TSHZ3: variants seen among roughly 807,000 people sequenced by gnomAD.
The protein encoded by TSHZ3 is teashirt zinc finger homeobox 3.
A neutral mutation model predicts 64.5 loss-of-function variants in TSHZ3; 10 were observed. That is an observed-to-expected ratio of 0.16 (90% CI 0.10 to 0.26). TSHZ3 has a LOEUF of 0.26. Ranked by LOEUF, TSHZ3 falls within the 10% of genes least tolerant of loss-of-function variation. The pLI, the probability that TSHZ3 is intolerant of heterozygous loss-of-function variation, is 1.00. For synonymous variants in TSHZ3, 608 were observed against 593.1 expected, an observed-to-expected ratio of 1.03 and a Z score of -0.36; for missense variants, 1,242 against 1,421.7, an observed-to-expected ratio of 0.87 and a Z score of 2.03.
At chr19:31,228,717 T>C (rs1975503618) in intron 3 of TSHZ3, among the ~76,000 whole-genome samples, 1 of 152,090 alleles carries the variant, frequency 6.6e-6, no homozygotes, top group African/African-American at 2.4e-5. Flanking sequence ...CAGAGAGTGG[T>C]GTTCAGATTT....
chr19:31,350,871 C>T (rs1469194435), upstream of TSHZ3, among the ~76,000 whole-genome samples: 1 of 147,108 alleles, frequency 6.8e-6, no homozygotes. Context: ...GCTCTCAGGC[C>T]GGGAATGGGG....
intron 1 of TSHZ3, among the ~76,000 whole-genome samples, chr19:31,306,026 A>T (rs2145148344): frequency 6.6e-6 from 1 of 152,332 alleles, no homozygotes; most frequent in East Asian, 1.9e-4. Flanking sequence ...TTTACATAGA[A>T]GTTTGGGGTG....
At chr19:31,325,983 C>T (rs912025161) in intron 1 of TSHZ3, among the ~76,000 whole-genome samples, 1 of 152,148 alleles carries the variant, frequency 6.6e-6, no homozygotes, top group Non-Finnish European at 1.5e-5. Flanking sequence ...AGAATTTTGC[C>T]TGTACACCCA....
At chr19:31,216,436 G>A (rs1281254934) in intron 4 of TSHZ3, among the ~76,000 whole-genome samples, 4 of 151,742 alleles carry the variant, frequency 2.6e-5, no homozygotes, top group Non-Finnish European at 5.9e-5. Context: ...TCATCAGAAA[G>A]GCTTTCCCAG....
At chr19:31,349,524 C>A (rs1266080029), upstream of TSHZ3, 7 of 338,970 alleles carry the variant, frequency 2.1e-5, no homozygotes, top group Non-Finnish European at 1.1e-5. Flanking sequence ...AGGAGGAGGA[C>A]CGCGCTGCCG....
At chr19:31,285,781 C>CAAAAAAA (rs3030263) in intron 1 of TSHZ3, among the ~76,000 whole-genome samples, 2 of 44,980 alleles carry the variant, frequency 4.4e-5, no homozygotes, top group Non-Finnish European at 7.7e-5. Context: ...GCCACTGTCT[C>CAAAAAAA]AAAAAAAAAA....
chr19:31,195,515 G>A (rs569402177), intron 5 of TSHZ3: 1 of 151,884 alleles, frequency 6.6e-6, no homozygotes, highest in East Asian at 1.9e-4. Flanking sequence ...CAAAAGTGAA[G>A]GAGAAATAGA....
intron 4 of TSHZ3, among the ~76,000 whole-genome samples, chr19:31,218,323 G>A (rs887594000): frequency 1.3e-5 from 2 of 152,156 alleles, no homozygotes; most frequent in Admixed American, 1.3e-4. Context: ...TATGTCATTA[G>A]GGAGATACAA....
chr19:31,289,204 G>A (rs1976519130), intron 1 of TSHZ3, among the ~76,000 whole-genome samples: 1 of 152,206 alleles, frequency 6.6e-6, no homozygotes, highest in Non-Finnish European at 1.5e-5. Flanking sequence ...GGCACGGCCA[G>A]GGGATGACCC....
In TSHZ3 at chr19:31,299,036, G is replaced by A. The variant is rs536975010; in HGVS notation, c.41-19284C>T. Reference sequence around the variant, plus strand: ...ATGGAGAAACCCTGTCTCTACTAAAGGTACGAAAATTAGCCGGGCGTGGTA... The same window carrying A: ...ATGGAGAAACCCTGTCTCTACTAAAAGTACGAAAATTAGCCGGGCGTGGTA... On this transcript the variant is annotated intron_variant, in intron 1 of 1. Coordinates refer to ENST00000240587, the MANE Select transcript of TSHZ3 (RefSeq NM_020856.4). Among the ~76,000 whole-genome samples, 135 of 152,200 alleles carry A rather than the reference G, an allele frequency of 8.9e-4. 1 individual carries two copies. Among genetic ancestry groups the A allele is most frequent in the African/African-American group, 3.2e-3 (135 of 41,544 alleles).
chr19:31,330,888 T>C (rs1373627187), intron 1 of TSHZ3, among the ~76,000 whole-genome samples: 1 of 151,958 alleles, frequency 6.6e-6, no homozygotes, highest in Admixed American at 6.6e-5. Context: ...AGCATTGACA[T>C]GCCCAAAAAC....
intron 1 of TSHZ3, among the ~76,000 whole-genome samples, chr19:31,263,726 C>T (rs1388909898): frequency 6.6e-6 from 1 of 152,198 alleles, no homozygotes; most frequent in Admixed American, 6.5e-5. Flanking sequence ...CCCCTCTCAG[C>T]CAGTCCCACT....
chr19:31,209,482 C>G (rs1216009342), intron 4 of TSHZ3, among the ~76,000 whole-genome samples: 1 of 152,166 alleles, frequency 6.6e-6, no homozygotes, highest in African/African-American at 2.4e-5. Flanking sequence ...TCTCATAACC[C>G]ACCCTAAGTG....
At chr19:31,175,938 C>A (rs1293929717) in intron 5 of TSHZ3, among the ~76,000 whole-genome samples, 1 of 152,216 alleles carries the variant, frequency 6.6e-6, no homozygotes, top group Non-Finnish European at 1.5e-5. Context: ...CACAGCCCTA[C>A]CCTTAGGAGC....
intron 5 of TSHZ3, among the ~76,000 whole-genome samples, chr19:31,180,437 C>T (rs1335260843): frequency 6.6e-6 from 1 of 152,162 alleles, no homozygotes; most frequent in Non-Finnish European, 1.5e-5. Context: ...TAAACATGGA[C>T]TGAAAGACAT....
At chr19:31,349,505 T>G (rs1321776461), upstream of TSHZ3, 15 of 307,204 alleles carry the variant, frequency 4.9e-5, no homozygotes, top group African/African-American at 8.0e-5. Context: ...GAGGAGGAGG[T>G]GGAGGAGGAG....
At chr19:31,170,429 G>A (rs1048939469) in intron 5 of TSHZ3, among the ~76,000 whole-genome samples, 8 of 152,152 alleles carry the variant, frequency 5.3e-5, no homozygotes, top group African/African-American at 1.9e-4. Flanking sequence ...ATGTTGAGGT[G>A]TAGGGCCTCA....
intron 5 of TSHZ3, among the ~76,000 whole-genome samples, chr19:31,179,756 TGGTGATGGTGGG>T (rs758150078): frequency 2.0e-5 from 3 of 150,320 alleles, no homozygotes; most frequent in Non-Finnish European, 4.4e-5. Flanking sequence ...GTGATGGTGG[TGGTGATGGTGGG>T]GGTGATGATA....
Position 31,278,139 on chromosome 19 carries a change from C to T in TSHZ3, c.1654G>A (p.Ala552Thr). The T allele has an allele frequency of 6.2e-7, 1 of 1,614,158 alleles. No homozygotes were observed. Residue 552 changes from alanine to threonine, a missense_variant, in exon 2 of 2, where the codon GCC becomes ACC. Around this residue, in one of 4 missense-constraint regions of TSHZ3, gnomAD observed 550 missense variants for 545.1 expected, o/e 1.01. Coordinates refer to ENST00000240587, the MANE Select transcript of TSHZ3 (RefSeq NM_020856.4). This position sits in a 1 kb window ranked among gnomAD's most constrained non-coding sequence, Gnocchi z 4.7. ...ATCATGTTGGGAAGTTGGTAGGCGGCATGGATGCTGGGATAGCCCCCCCAG... is the reference window on the plus strand; with the variant it reads ...ATCATGTTGGGAAGTTGGTAGGCGGTATGGATGCTGGGATAGCCCCCCCAG... ...PSWGGYPSIHAAYQLPNMMKL... is the reference protein window; with the variant it reads ...PSWGGYPSIHTAYQLPNMMKL...
Sources: allele counts gnomAD v4.1 joint callset (sites outside exome capture counted in the v4.1 genomes callset), GRCh38; gene constraint gnomAD v4.1.1; regional missense constraint gnomAD v4.1.1; non-coding constraint Gnocchi (gnomAD v3.1); transcripts MANE v1.5; gene names NCBI Gene and HGNC (gene_info 2026-07-23, HGNC 2026-07-21).